ASCC3: variants seen among roughly 807,000 people sequenced by gnomAD.
ASCC3 encodes the protein activating signal cointegrator 1 complex subunit 3.
Under a neutral mutation model 256.3 loss-of-function variants are expected in ASCC3, and 158 were observed. The observed-to-expected ratio is 0.62, with a 90% CI of 0.54 to 0.70. The LOEUF (loss-of-function observed/expected upper bound fraction) is 0.70, where lower values mean the gene tolerates loss of function less well. Ranked by LOEUF, ASCC3 falls within the 30% of genes least tolerant of loss-of-function variation. The pLI is 0.00. For synonymous variants in ASCC3, 948 were observed against 883.4 expected, an observed-to-expected ratio of 1.07 and a Z score of -1.30; for missense variants, 2,259 against 2,626.0, an observed-to-expected ratio of 0.86 and a Z score of 3.05.
intron 10 of ASCC3, among the ~76,000 whole-genome samples, chr6:100,732,768 G>C (rs1779963067): frequency 8.9e-6 from 1 of 112,652 alleles, no homozygotes; most frequent in Admixed American, 1.0e-4. Flanking sequence ...GAAATGCAAT[G>C]GTCATCTATG....
rs1176691702 is a variant in ASCC3 at position 100,662,554 on chromosome 6, G to GT, written c.2287-19dup. On this transcript the variant is annotated intron_variant, in intron 14 of 41. Coordinates refer to ENST00000369162, the MANE Select transcript of ASCC3 (RefSeq NM_006828.4). ...CTTTGTACCTAGATACCAAGAAAGC[G>GT]TAAGAGTATTATTTAGCATTTAAAA... 11 of 1,610,026 alleles carry GT rather than the reference G, an allele frequency of 6.8e-6. No homozygotes were observed. In the South Asian group the frequency reaches 9.9e-5, roughly 14 times the overall value.
At chr6:100,745,247 A>G (rs1358913101) in intron 10 of ASCC3, among the ~76,000 whole-genome samples, 6 of 152,146 alleles carry the variant, frequency 3.9e-5, no homozygotes, top group Admixed American at 3.9e-4. Context: ...GAATCGCTTG[A>G]ACCTGGGATG....
chr6:100,638,464 T>C, intron 25 of ASCC3, 137 bp downstream of exon 25: 1 of 690,092 alleles, frequency 1.4e-6, no homozygotes, highest in South Asian at 1.9e-5. Context: ...ATATCTGTAC[T>C]GATCTGGTCC....
intron 8 of ASCC3, 79 bp from the exon 9 acceptor site, chr6:100,767,424 T>C: frequency 5.7e-6 from 8 of 1,403,428 alleles, no homozygotes; most frequent in Non-Finnish European, 8.0e-6. Flanking sequence ...TTAACATTTA[T>C]TTCCTTTGTT....
rs1048110287 is a variant in ASCC3, at chr6:100,856,461, G to A, written c.241+7603C>T. On this transcript the variant is annotated intron_variant, in intron 3 of 41. Transcript: ENST00000369162. ...CTGAAATACTTCTTATTTAATCTATGTAATATAAAAATCATAGTAATTCTT... is the reference window on the plus strand; with the variant it reads ...CTGAAATACTTCTTATTTAATCTATATAATATAAAAATCATAGTAATTCTT... 36 of 916,134 alleles carry A rather than the reference G, an allele frequency of 3.9e-5. No homozygotes were observed. In the African/African-American group the frequency reaches 6.3e-4, roughly 16 times the overall value. 56.8% of individuals were successfully genotyped at this position (916,134 alleles called of 1,614,324 possible).
intron 5 of ASCC3, among the ~76,000 whole-genome samples, chr6:100,800,756 A>T (rs1769876603): frequency 6.6e-6 from 1 of 151,830 alleles, no homozygotes; most frequent in Non-Finnish European, 1.5e-5. Flanking sequence ...TGTCACTGAC[A>T]TTATAAATTC....
At chr6:100,798,928 A>C in intron 7 of ASCC3, 90 bp from the exon 8 acceptor site, 1 of 1,178,904 alleles carries the variant, frequency 8.5e-7, no homozygotes, top group East Asian at 2.5e-5. Flanking sequence ...AGAAAACACT[A>C]CTGGTTTTAT....
chr6:100,640,428 T>C (rs1158459321), intron 24 of ASCC3, among the ~76,000 whole-genome samples: 4 of 152,158 alleles, frequency 2.6e-5, no homozygotes, highest in African/African-American at 9.7e-5. Flanking sequence ...GTACATTTAT[T>C]GTTTTTAAAA....
chr6:100,852,308 G>A (rs948782248), intron 3 of ASCC3, among the ~76,000 whole-genome samples: 2 of 152,126 alleles, frequency 1.3e-5, no homozygotes, highest in Non-Finnish European at 1.5e-5. Flanking sequence ...TCTATTAGCC[G>A]GCTGAACCAC....
At chr6:100,597,292 G>A (rs1301621766) in intron 34 of ASCC3, among the ~76,000 whole-genome samples, 1 of 152,062 alleles carries the variant, frequency 6.6e-6, no homozygotes. Flanking sequence ...AAAAGTTTTT[G>A]TTTAGTTTAC....
chr6:100,773,129 T>C (rs1004663125), intron 8 of ASCC3, among the ~76,000 whole-genome samples: 6 of 152,180 alleles, frequency 3.9e-5, no homozygotes, highest in African/African-American at 1.4e-4. Context: ...AGAGCTAGTA[T>C]TTGAAGTCAT....
chr6:100,879,044 C>T (rs1252599980), intron 1 of ASCC3, among the ~76,000 whole-genome samples: 1 of 152,126 alleles, frequency 6.6e-6, no homozygotes, highest in East Asian at 1.9e-4. Flanking sequence ...TACATGACCC[C>T]CCTCCTTGGG....
rs1286583278 is a variant in ASCC3 at position 100,512,820 on chromosome 6, G to C, written c.6174C>G (p.Val2058=). ...DLVEGHNELS[V]STLTADKRDD... The stretch of plus-strand genomic sequence containing the variant: ...CTCGTTTGTCTGCAGTCAGAGTTGA[G>C]ACAGAGAGTTCATTATGTCCTTCAA... The change falls in exon 40 of 42, where the codon GTC becomes GTG. Residue 2058 remains valine, a synonymous_variant. Transcript: ENST00000369162. 1.2e-6 allele frequency: 2 copies of C among 1,614,070 alleles called. No homozygotes were observed. The highest frequency in any genetic ancestry group is 1.7e-5 in the Admixed American group (1 of 60,014).
chr6:100,860,310 T>C (rs1413489992), intron 3 of ASCC3, among the ~76,000 whole-genome samples: 1 of 151,996 alleles, frequency 6.6e-6, no homozygotes, highest in East Asian at 1.9e-4. Flanking sequence ...GGACCAAGAA[T>C]ACTATTTTTA....
intron 8 of ASCC3, among the ~76,000 whole-genome samples, chr6:100,792,276 T>C (rs1278699732): frequency 1.3e-5 from 2 of 151,926 alleles, no homozygotes; most frequent in Non-Finnish European, 2.9e-5. Context: ...GTATATTTCG[T>C]GAAGCAAATA....
At chr6:100,549,874 G>A (rs1232559847) in intron 36 of ASCC3, among the ~76,000 whole-genome samples, 2 of 151,906 alleles carry the variant, frequency 1.3e-5, no homozygotes, top group Non-Finnish European at 2.9e-5. Flanking sequence ...AGAAGACACG[G>A]CATTTGTTCT....
chr6:100,718,761 T>C (rs1014857422), intron 11 of ASCC3, among the ~76,000 whole-genome samples: 2 of 151,810 alleles, frequency 1.3e-5, no homozygotes, highest in African/African-American at 4.8e-5. Context: ...TGAATAAAAA[T>C]AAAAATAAAA....
intron 34 of ASCC3, among the ~76,000 whole-genome samples, chr6:100,595,381 C>T (rs1366674990): frequency 1.3e-5 from 2 of 151,956 alleles, no homozygotes; most frequent in Admixed American, 1.3e-4. Context: ...ATATTTATAG[C>T]AGCATTATTT....
chr6:100,597,666 T>C (rs976340726), intron 34 of ASCC3, among the ~76,000 whole-genome samples: 3 of 151,488 alleles, frequency 2.0e-5, no homozygotes, highest in African/African-American at 7.3e-5. Context: ...ACATGAAATA[T>C]GAATGGTCAA....
Sources: gnomAD v4.1 joint callset for allele counts (sites outside exome capture counted in the v4.1 genomes callset) on GRCh38, gnomAD v4.1.1 for gene constraint, MANE v1.5 for transcripts, NCBI Gene and HGNC (gene_info 2026-07-23, HGNC 2026-07-21) for gene names.